The following ME3 variants were observed in gnomAD, a reference collection of about 807,000 sequenced individuals.
ME3 encodes NADP-dependent malic enzyme, mitochondrial.
A neutral mutation model predicts 68.9 loss-of-function variants in ME3; 48 were observed. That is an observed-to-expected ratio of 0.70 (90% CI 0.55 to 0.89). The LOEUF (loss-of-function observed/expected upper bound fraction) is 0.89. Among genes scored for constraint, ME3 ranks in the 40% least tolerant of loss-of-function variants. The pLI is 0.00. For missense variants in ME3, 675 were observed against 797.4 expected, an observed-to-expected ratio of 0.85 and a Z score of 1.85; for synonymous variants, 320 against 318.8, an observed-to-expected ratio of 1.00 and a Z score of -0.04.
intron 5 of ME3, among the ~76,000 whole-genome samples, chr11:86,505,006 C>T (rs942146016): frequency 6.6e-6 from 1 of 152,182 alleles, no homozygotes; most frequent in Non-Finnish European, 1.5e-5. Flanking sequence ...CCTACACATT[C>T]TTCAGGACCC....
At chr11:86,547,323 A>T (rs1447272150) in intron 4 of ME3, among the ~76,000 whole-genome samples, 1 of 151,752 alleles carries the variant, frequency 6.6e-6, no homozygotes, top group Non-Finnish European at 1.5e-5. Context: ...AGTTCATGTT[A>T]TTTGCAGGGA....
chr11:86,555,897 A>G (rs1264663530), intron 4 of ME3, among the ~76,000 whole-genome samples: 1 of 152,224 alleles, frequency 6.6e-6, no homozygotes, highest in Non-Finnish European at 1.5e-5. Flanking sequence ...TAGCTCTTTT[A>G]ACATTAGTGC....
chr11:86,546,750 CAG>C (rs1956383013), intron 4 of ME3, among the ~76,000 whole-genome samples: 1 of 152,172 alleles, frequency 6.6e-6, no homozygotes, highest in South Asian at 2.1e-4. Context: ...TTGTGGAAGA[CAG>C]TGTGGCGATT....
chr11:86,631,035 G>A (rs1035340815), intron 2 of ME3, among the ~76,000 whole-genome samples: 1 of 152,250 alleles, frequency 6.6e-6, no homozygotes, highest in Non-Finnish European at 1.5e-5. Flanking sequence ...GACCAACCGA[G>A]TCACAGATGA....
At chr11:86,500,998 G>T (rs1184227928) in intron 5 of ME3, among the ~76,000 whole-genome samples, 1 of 152,058 alleles carries the variant, frequency 6.6e-6, no homozygotes, top group Admixed American at 6.5e-5. Context: ...CAGCTGGGTT[G>T]TTATTTAACT....
At chr11:86,470,363 C>T (rs906638032) in intron 7 of ME3, among the ~76,000 whole-genome samples, 2 of 152,172 alleles carry the variant, frequency 1.3e-5, no homozygotes, top group African/African-American at 4.8e-5. Flanking sequence ...TATCAGTTGT[C>T]ACCCAATGGA....
In ME3 at chr11:86,571,564, A is replaced by G. The variant is rs181229778; in HGVS notation, c.184-11741T>C. On this transcript the variant is annotated intron_variant, in intron 2 of 14. Coordinates refer to ENST00000543262, the Ensembl canonical transcript of ME3. ...GTACAACTGAGAAATTGAATTTTGTATTTTCCTTTAATTTTAATTAATTTA... is the reference window on the plus strand; with the variant it reads ...GTACAACTGAGAAATTGAATTTTGTGTTTTCCTTTAATTTTAATTAATTTA... 2.6e-5 allele frequency among the ~76,000 whole-genome samples: 4 copies of G among 152,312 alleles called. No individual in the cohort carries two copies. In the East Asian group the frequency reaches 7.7e-4, roughly 29 times the overall value.
chr11:86,557,216 C>G (rs1346798215), intron 3 of ME3, among the ~76,000 whole-genome samples: 1 of 152,144 alleles, frequency 6.6e-6, no homozygotes, highest in African/African-American at 2.4e-5. Flanking sequence ...ACTGGCCTCT[C>G]CTACCACACT....
At chr11:86,498,768 T>C (rs1952529320) in intron 5 of ME3, among the ~76,000 whole-genome samples, 1 of 152,208 alleles carries the variant, frequency 6.6e-6, no homozygotes, top group African/African-American at 2.4e-5. Context: ...TACTGTGAAT[T>C]AATAGATATG....
chr11:86,449,844 G>T, intron 10 of ME3, 45 bp downstream of exon 10: 1 of 1,417,112 alleles, frequency 7.1e-7, no homozygotes, highest in Non-Finnish European at 9.9e-7. Context: ...GTTCCTGGGA[G>T]CTATAAGGTG....
In ME3 at chr11:86,465,883, C is replaced by T. The variant is rs150742599; in HGVS notation, c.810-683G>A. 5.9e-5 allele frequency among the ~76,000 whole-genome samples: 9 copies of T among 152,270 alleles called. No homozygotes were observed. The East Asian group carries it at 1.4e-3, about 23-fold the overall frequency. On this transcript the variant is annotated intron_variant, in intron 7 of 14. Coordinates refer to ENST00000543262, the Ensembl canonical transcript of ME3. Reference sequence around the variant, plus strand: ...CAGGCCCATCTCACAGAGTCTCACTCGGAGTGTGGGATGGGGTCAGGAACC... The same window carrying T: ...CAGGCCCATCTCACAGAGTCTCACTTGGAGTGTGGGATGGGGTCAGGAACC...
chr11:86,502,128 G>T (rs1271020577), intron 5 of ME3, among the ~76,000 whole-genome samples: 1 of 152,090 alleles, frequency 6.6e-6, no homozygotes. Context: ...TTCCAATTTT[G>T]TATAAGGCTT....
At chr11:86,642,307 G>A (rs1297152327) in intron 2 of ME3, among the ~76,000 whole-genome samples, 2 of 152,166 alleles carry the variant, frequency 1.3e-5, no homozygotes, top group African/African-American at 4.8e-5. Context: ...GTGAAAATAA[G>A]AGTCCCACCC....
intron 2 of ME3, among the ~76,000 whole-genome samples, chr11:86,592,863 A>T (rs748488406): frequency 1.3e-5 from 2 of 152,204 alleles, no homozygotes; most frequent in African/African-American, 4.8e-5. Flanking sequence ...AAAGGGGCAC[A>T]GTGATGGGGG....
intron 6 of ME3, among the ~76,000 whole-genome samples, chr11:86,496,884 GAA>G (rs71040242): frequency 5.4e-5 from 8 of 149,270 alleles, no homozygotes; most frequent in East Asian, 1.9e-4. Flanking sequence ...TAAGTGCGTG[GAA>G]AAAAAAAAGG....
At chr11:86,570,618 A>G (rs1957736839) in intron 2 of ME3, among the ~76,000 whole-genome samples, 3 of 152,208 alleles carry the variant, frequency 2.0e-5, no homozygotes, top group Non-Finnish European at 4.4e-5. Flanking sequence ...CAGGTGCAAC[A>G]TTACAGATCC....
intron 6 of ME3, among the ~76,000 whole-genome samples, chr11:86,494,870 T>A (rs643414): frequency 0.28 from 42,046 of 151,970 alleles, 6,144 homozygotes; most frequent in East Asian, 0.33. Flanking sequence ...CACAAAATAA[T>A]CTTAATTGAA....
At chr11:86,449,210 G>A (rs1472768718) in intron 10 of ME3, among the ~76,000 whole-genome samples, 2 of 152,156 alleles carry the variant, frequency 1.3e-5, no homozygotes, top group Admixed American at 1.3e-4. Flanking sequence ...GTGAAATTCT[G>A]GGAATTAAAG....
chr11:86,599,943 A>G (rs1366626182), intron 2 of ME3, among the ~76,000 whole-genome samples: 7 of 152,224 alleles, frequency 4.6e-5, no homozygotes, highest in African/African-American at 7.2e-5. Context: ...GAGCTCCTGA[A>G]GGAAGCACTA....
Sources: allele counts gnomAD v4.1 joint callset (sites outside exome capture counted in the v4.1 genomes callset), GRCh38; gene constraint gnomAD v4.1.1; transcripts MANE v1.5; gene names NCBI Gene and HGNC (gene_info 2026-07-23, HGNC 2026-07-21).